SEMA5A: variants seen among roughly 807,000 people sequenced by gnomAD.
The protein encoded by SEMA5A is semaphorin 5A.
Under a neutral mutation model 135.5 loss-of-function variants are expected in SEMA5A, and 55 were observed. The ratio of observed to expected loss-of-function variants is 0.41; its 90% CI spans 0.33 to 0.51. SEMA5A has a LOEUF of 0.51. Ranked by LOEUF, SEMA5A falls within the 20% of genes least tolerant of loss-of-function variation. The pLI is 0.37. For missense variants in SEMA5A, 1,290 were observed against 1,419.9 expected, an observed-to-expected ratio of 0.91 and a Z score of 1.47; for synonymous variants, 580 against 546.5, an observed-to-expected ratio of 1.06 and a Z score of -0.85.
At chr5:9,065,304 T>A (rs957844925) in intron 17 of SEMA5A, among the ~76,000 whole-genome samples, 3 of 152,306 alleles carry the variant, frequency 2.0e-5, no homozygotes, top group South Asian at 2.1e-4. Flanking sequence ...GTCATGGTGA[T>A]CTGTGACACG....
At position 9,136,625 on chromosome 5, in the gene SEMA5A, GAAACACACACC is replaced by G. The variant is rs758872646; in HGVS notation, c.1482-15_1482-5del. 1 of 1,610,354 alleles carries G rather than the reference GAAACACACACC, an allele frequency of 6.2e-7. No individual in the cohort carries two copies. Among genetic ancestry groups the G allele is most frequent in the Non-Finnish European group, 8.5e-7 (1 of 1,176,614 alleles). On this transcript the variant is annotated splice_region_variant and splice_polypyrimidine_tract_variant and intron_variant, in intron 12 of 22. Coordinates refer to ENST00000382496, the MANE Select transcript of SEMA5A (RefSeq NM_003966.3). Reference sequence around the variant, plus strand: ...GTCCTGGGCCCCAATGCAGGTGCTGGAAACACACACCAAATGGTCAACAGAAAGGTCGCTTT... The same window carrying G: ...GTCCTGGGCCCCAATGCAGGTGCTGGAAATGGTCAACAGAAAGGTCGCTTT...
intron 2 of SEMA5A, among the ~76,000 whole-genome samples, chr5:9,422,820 T>C (rs1016002239): frequency 3.9e-5 from 6 of 152,228 alleles, no homozygotes; most frequent in African/African-American, 1.4e-4. Flanking sequence ...TTGAATTATG[T>C]TTCTCATTCC....
At chr5:9,256,109 C>T (rs1749055463) in intron 5 of SEMA5A, among the ~76,000 whole-genome samples, 1 of 152,200 alleles carries the variant, frequency 6.6e-6, no homozygotes, top group African/African-American at 2.4e-5. Flanking sequence ...ATGCAATTTC[C>T]TAATGGATGT....
chr5:9,465,510 T>A (rs1429676387), intron 1 of SEMA5A, among the ~76,000 whole-genome samples: 1 of 152,224 alleles, frequency 6.6e-6, no homozygotes, highest in African/African-American at 2.4e-5. Context: ...GATAAAGAAA[T>A]TCCACAAGTG....
At chr5:9,088,182 C>T (rs1738809451) in intron 16 of SEMA5A, among the ~76,000 whole-genome samples, 1 of 151,736 alleles carries the variant, frequency 6.6e-6, no homozygotes, top group African/African-American at 2.4e-5. Context: ...TGGCATGTGC[C>T]TGTAGTCCCA....
chr5:9,360,530 G>A (rs1217099900), intron 3 of SEMA5A, among the ~76,000 whole-genome samples: 3 of 152,096 alleles, frequency 2.0e-5, no homozygotes, highest in South Asian at 2.1e-4. Flanking sequence ...AAAACAACAC[G>A]ATAGCTTACA....
At chr5:9,154,446 T>C in intron 12 of SEMA5A, 42 bp downstream of exon 12, 5 of 1,595,110 alleles carry the variant, frequency 3.1e-6, no homozygotes, top group Middle Eastern at 2.3e-4. Flanking sequence ...GGTGGGCCCT[T>C]CACACACACA....
At chr5:9,356,520 A>C (rs753965805) in intron 3 of SEMA5A, among the ~76,000 whole-genome samples, 1 of 152,222 alleles carries the variant, frequency 6.6e-6, no homozygotes, top group Non-Finnish European at 1.5e-5. Flanking sequence ...AGTTAGAAGA[A>C]AGTGCAAGCG....
chr5:9,249,667 T>C (rs924273749), intron 5 of SEMA5A, among the ~76,000 whole-genome samples: 3 of 152,176 alleles, frequency 2.0e-5, no homozygotes, highest in Non-Finnish European at 4.4e-5. Context: ...AAAGACCTCT[T>C]AAGGAAAACA....
At chr5:9,213,777 GAA>G (rs1429189366) in intron 8 of SEMA5A, among the ~76,000 whole-genome samples, 2 of 152,186 alleles carry the variant, frequency 1.3e-5, no homozygotes, top group African/African-American at 4.8e-5. Context: ...GCCCTTTATA[GAA>G]AAGTTTGCTG....
At chr5:9,077,846 C>G (rs1186897244) in intron 16 of SEMA5A, among the ~76,000 whole-genome samples, 1 of 152,212 alleles carries the variant, frequency 6.6e-6, no homozygotes. Context: ...TACTCCTCTG[C>G]TTTCTTGCTC....
At chr5:9,126,705 T>C (rs576776543) in intron 13 of SEMA5A, among the ~76,000 whole-genome samples, 1 of 152,186 alleles carries the variant, frequency 6.6e-6, no homozygotes, top group Admixed American at 6.5e-5. Context: ...AAACAGTTGA[T>C]GAAATCACAG....
chr5:9,504,374 C>T (rs1013387566), intron 1 of SEMA5A, among the ~76,000 whole-genome samples: 7 of 152,114 alleles, frequency 4.6e-5, no homozygotes, highest in Non-Finnish European at 7.3e-5. Flanking sequence ...AACCTCTTTT[C>T]ATTAATGTAT....
chr5:9,338,832 G>C (rs191099186), intron 3 of SEMA5A, among the ~76,000 whole-genome samples: 2 of 151,618 alleles, frequency 1.3e-5, no homozygotes, highest in Non-Finnish European at 2.9e-5. Context: ...GGGGCATATG[G>C]AAATATGCCC....
chr5:9,437,097 A>G (rs548249657), intron 2 of SEMA5A, among the ~76,000 whole-genome samples: 1 of 152,304 alleles, frequency 6.6e-6, no homozygotes, highest in South Asian at 2.1e-4. Context: ...GTCCCAGGAC[A>G]GGAAGTGAGA....
intron 2 of SEMA5A, among the ~76,000 whole-genome samples, chr5:9,403,711 A>T (rs1372190473): frequency 6.6e-6 from 1 of 152,164 alleles, no homozygotes; most frequent in Non-Finnish European, 1.5e-5. Context: ...TCTTTGCTGA[A>T]TGCTCCTTGA....
At chr5:9,125,624 T>A (rs1244074441) in intron 13 of SEMA5A, among the ~76,000 whole-genome samples, 5 of 152,046 alleles carry the variant, frequency 3.3e-5, no homozygotes, top group African/African-American at 1.2e-4. Context: ...CAATTCTAAG[T>A]GATACACTGG....
chr5:9,126,316 G>A (rs1242957090), intron 13 of SEMA5A, among the ~76,000 whole-genome samples: 2 of 152,222 alleles, frequency 1.3e-5, no homozygotes, highest in Admixed American at 1.3e-4. Context: ...TCCTGCCCAT[G>A]CCTCTCATTA....
chr5:9,078,838 A>G (rs753075597), intron 16 of SEMA5A, among the ~76,000 whole-genome samples: 6 of 152,110 alleles, frequency 3.9e-5, no homozygotes, highest in Non-Finnish European at 7.4e-5. Flanking sequence ...TCTCATTGAT[A>G]AAAATTTATA....
Sources: gnomAD v4.1 joint callset for allele counts (sites outside exome capture counted in the v4.1 genomes callset) on GRCh38, gnomAD v4.1.1 for gene constraint, MANE v1.5 for transcripts, NCBI Gene and HGNC (gene_info 2026-07-23, HGNC 2026-07-21) for gene names.